The following LRRTM3 variants were observed in gnomAD, a reference collection of about 807,000 sequenced individuals.
The protein encoded by LRRTM3 is leucine rich repeat transmembrane neuronal 3, also known as leucine-rich repeat transmembrane neuronal protein 3.
Under a neutral mutation model 44.7 loss-of-function variants are expected in LRRTM3, and 24 were observed. The observed-to-expected ratio is 0.54, with a 90% CI of 0.39 to 0.76. The LOEUF (loss-of-function observed/expected upper bound fraction) is 0.76. Ranked by LOEUF, LRRTM3 falls within the 30% of genes least tolerant of loss-of-function variation. LRRTM3 has a pLI of 0.00. For synonymous variants in LRRTM3, 277 were observed against 278.7 expected, an observed-to-expected ratio of 0.99 and a Z score of 0.06; for missense variants, 587 against 702.2, an observed-to-expected ratio of 0.84 and a Z score of 1.85.
At chr10:67,097,119 G>A (rs1306886428) in intron 2 of LRRTM3, among the ~76,000 whole-genome samples, 1 of 151,756 alleles carries the variant, frequency 6.6e-6, no homozygotes, top group African/African-American at 2.4e-5. Flanking sequence ...AACTTGGGTG[G>A]CAGGGGGTTG....
At chr10:67,044,798 G>T (rs1854624010) in intron 2 of LRRTM3, among the ~76,000 whole-genome samples, 1 of 152,098 alleles carries the variant, frequency 6.6e-6, no homozygotes, top group South Asian at 2.1e-4. Flanking sequence ...AAAGATCATG[G>T]TCTTTGGAGC....
At chr10:66,972,437 G>A (rs1262521802) in intron 2 of LRRTM3, among the ~76,000 whole-genome samples, 8 of 152,018 alleles carry the variant, frequency 5.3e-5, no homozygotes, top group Non-Finnish European at 8.8e-5. Context: ...CCTAAGGCAC[G>A]CACCACTGTG....
chr10:66,927,739 C>T lies in LRRTM3; in HGVS notation c.823C>T (p.Gln275Ter). The T allele has an allele frequency of 1.2e-6, 2 of 1,614,156 alleles. No homozygotes were observed. Among genetic ancestry groups the T allele is most frequent in the Non-Finnish European group, 1.7e-6 (2 of 1,180,030 alleles). ...AGCTTTCAGTGGACCCAGTGTTTTC[C>T]AGTGTGTCCCGAATCTGCAGCGCCT... The part of the protein sequence containing the change: ...IEAFSGPSVF[Q>*]CVPNLQRLNL... The change falls in exon 2 of 3, where the codon CAG becomes TAG. Residue 275 changes from glutamine to a stop codon, truncating the protein, a stop_gained. Coordinates refer to ENST00000361320, the MANE Select transcript of LRRTM3 (RefSeq NM_178011.5). LOFTEE classifies it high-confidence loss of function. This position sits in a 1 kb window ranked among gnomAD's most constrained non-coding sequence, Gnocchi z 4.7.
chr10:67,036,694 A>G (rs1028490379), intron 2 of LRRTM3, among the ~76,000 whole-genome samples: 1 of 152,260 alleles, frequency 6.6e-6, no homozygotes, highest in South Asian at 2.1e-4. Flanking sequence ...TTTTTAAAGG[A>G]TAAATATCGA....
Position 66,928,500 on chromosome 10 carries a change from T to C in LRRTM3, c.1536+48T>C, listed in dbSNP as rs201005485. ...GAGCTCTTAAAAGCTGGGAAATAAG[T>C]GGTGCTTTATTGAACTCTGGTGACT... On this transcript the variant is annotated intron_variant, in intron 2 of 2. Transcript: ENST00000361320. The C allele has an allele frequency of 6.6e-6, 10 of 1,512,322 alleles. No individual in the cohort carries two copies. In the African/African-American group the frequency reaches 8.4e-5, roughly 13 times the overall value. The allele number at this position is 1,512,322 out of a possible 1,614,324, so 93.7% of individuals were successfully genotyped here. A position where few individuals can be genotyped will look rare whatever the true frequency, so the allele number is the denominator to read the frequency against.
Position 67,098,046 on chromosome 10 carries a change from AT to A in LRRTM3, c.*251del, listed in dbSNP as rs1301721335. On this transcript the variant is annotated 3_prime_UTR_variant, in exon 3 of 3. Coordinates refer to ENST00000361320, the MANE Select transcript of LRRTM3 (RefSeq NM_178011.5). The stretch of plus-strand genomic sequence containing the variant: ...GAGTATGACCCTGAAAAATAAAAGA[AT>A]CTTTTTTTTTCAAAACTCATCCTAC... The A allele has an allele frequency of 6.3e-6, 3 of 476,404 alleles. No homozygotes were observed. In the East Asian group the frequency reaches 1.1e-4, roughly 17 times the overall value. The allele number at this position is 476,404 out of a possible 1,614,324, so 29.5% of individuals were successfully genotyped here. A position where few individuals can be genotyped will look rare whatever the true frequency, so the allele number is the denominator to read the frequency against.
Position 67,024,340 on chromosome 10 carries a change from G to T in LRRTM3, c.1537-73247G>T, listed in dbSNP as rs145875787. Among the ~76,000 whole-genome samples, 124 of 152,182 alleles carry T rather than the reference G, an allele frequency of 8.1e-4. No homozygotes were observed. In the East Asian group the frequency reaches 0.023, roughly 28 times the overall value. ...TTTTCTCTCTTACCATGACCTTCCT[G>T]CCTCCCTCTTACAAAGACCTTTGCA... On this transcript the variant is annotated intron_variant, in intron 2 of 2. Coordinates refer to ENST00000361320, the MANE Select transcript of LRRTM3 (RefSeq NM_178011.5).
At chr10:67,064,289 T>C (rs138078430) in intron 2 of LRRTM3, among the ~76,000 whole-genome samples, 6 of 152,330 alleles carry the variant, frequency 3.9e-5, no homozygotes, top group African/African-American at 9.6e-5. Flanking sequence ...AGCTACACTA[T>C]GTATTAGCAT....
intron 2 of LRRTM3, among the ~76,000 whole-genome samples, chr10:66,930,814 A>G (rs1847341367): frequency 6.6e-6 from 1 of 152,160 alleles, no homozygotes; most frequent in African/African-American, 2.4e-5. Flanking sequence ...ATAATAGATA[A>G]GAACGAAAAT....
At chr10:67,063,765 T>C (rs1386039003) in intron 2 of LRRTM3, among the ~76,000 whole-genome samples, 2 of 152,248 alleles carry the variant, frequency 1.3e-5, no homozygotes, top group Admixed American at 6.5e-5. Context: ...CTCTTATCAG[T>C]AGAAATTTCT....
intron 2 of LRRTM3, among the ~76,000 whole-genome samples, chr10:67,053,787 A>T (rs1020387635): frequency 6.6e-6 from 1 of 152,176 alleles, no homozygotes; most frequent in Non-Finnish European, 1.5e-5. Flanking sequence ...GATGGAATTG[A>T]CTCATTTTCC....
At chr10:67,052,345 TC>T (rs769469915) in intron 2 of LRRTM3, among the ~76,000 whole-genome samples, 3,221 of 134,948 alleles carry the variant, frequency 0.024, 94 homozygotes, top group African/African-American at 0.063. Context: ...TCTCTCTCTC[TC>T]TCTCTCTCAT....
intron 2 of LRRTM3, among the ~76,000 whole-genome samples, chr10:67,036,298 T>C (rs1296835329): frequency 6.6e-6 from 1 of 151,610 alleles, no homozygotes. Flanking sequence ...AGACAGAGTT[T>C]TGCTCTTGTT....
chr10:67,017,882 GC>G (rs1311826224), intron 2 of LRRTM3, among the ~76,000 whole-genome samples: 1 of 152,034 alleles, frequency 6.6e-6, no homozygotes, highest in Non-Finnish European at 1.5e-5. Context: ...CGATTCTCCT[GC>G]CTCAGCCTCC....
chr10:67,005,687 T>TTTTTTTGTTTGTTTG (rs1554895956), intron 2 of LRRTM3, among the ~76,000 whole-genome samples: 1 of 102,258 alleles, frequency 9.8e-6, no homozygotes, highest in African/African-American at 3.1e-5. Flanking sequence ...TCCATCTTTT[T>TTTTTTTGTTTGTTTG]TTTTTTTTTT....
intron 2 of LRRTM3, among the ~76,000 whole-genome samples, chr10:66,959,595 A>C (rs1239541541): frequency 6.6e-6 from 1 of 152,138 alleles, no homozygotes; most frequent in Non-Finnish European, 1.5e-5. Flanking sequence ...TGAACTGGTG[A>C]AAGTAGATGA....
chr10:66,988,484 A>G (rs1020181459), intron 2 of LRRTM3, among the ~76,000 whole-genome samples: 6 of 152,154 alleles, frequency 3.9e-5, no homozygotes, highest in Non-Finnish European at 8.8e-5. Flanking sequence ...CTGAGTGGAA[A>G]AGCTCCAACT....
intron 2 of LRRTM3, among the ~76,000 whole-genome samples, chr10:66,934,822 G>A (rs532448543): frequency 6.3e-4 from 96 of 152,068 alleles, no homozygotes; most frequent in Admixed American, 7.2e-4. Context: ...AATTTTTGTT[G>A]ACATTTCATC....
chr10:66,973,510 A>C (rs1242538788), intron 2 of LRRTM3, among the ~76,000 whole-genome samples: 1 of 152,234 alleles, frequency 6.6e-6, no homozygotes, highest in African/African-American at 2.4e-5. Flanking sequence ...GAAGACTTTT[A>C]AGTATGCCCT....
Sources: allele counts gnomAD v4.1 joint callset (sites outside exome capture counted in the v4.1 genomes callset), GRCh38; gene constraint gnomAD v4.1.1; non-coding constraint Gnocchi (gnomAD v3.1); transcripts MANE v1.5; gene names NCBI Gene and HGNC (gene_info 2026-07-23, HGNC 2026-07-21).